Variants in HIVEP3 observed in about 807,000 individuals in gnomAD.
HIVEP3 encodes HIVEP zinc finger 3.
HIVEP3 carries 49 observed loss-of-function variants against 152.8 expected under a neutral mutation model. The ratio of observed to expected loss-of-function variants is 0.32; its 90% confidence interval spans 0.26 to 0.41. HIVEP3 has a LOEUF of 0.41. Ranked by LOEUF, HIVEP3 falls within the 10% of genes least tolerant of loss-of-function variation. The pLI is 1.00. For missense variants in HIVEP3, 2,790 were observed against 3,103.3 expected (o/e 0.90, Z 2.40); for synonymous variants, 1,269 against 1,289.0 (o/e 0.98, Z 0.33).
At position 42,008,233 on chromosome 1, in the gene HIVEP3, T is replaced by C. The variant is rs182148342; in HGVS notation, n.119+27574A>G. On this transcript the variant is annotated intron_variant and non_coding_transcript_variant, in intron 1 of 3. Transcript: ENST00000489103. The stretch of plus-strand genomic sequence containing the variant: ...GAAATCTGTGCCACTTGAAGAATAA[T>C]GTTTCAAGTGTGAAGATCAAGTGGA... 2.0e-5 allele frequency among the ~76,000 whole-genome samples: 3 copies of C among 152,320 alleles called. No individual in the cohort carries two copies. In the East Asian group the frequency reaches 5.8e-4, roughly 29 times the overall value.
chr1:41,805,828 G>T (rs1424742879), intron 1 of HIVEP3, among the ~76,000 whole-genome samples: 1 of 152,174 alleles, frequency 6.6e-6, no homozygotes, highest in East Asian at 1.9e-4. Context: ...CTGATGGAGA[G>T]CACCTCTTTT....
chr1:41,644,179 C>G (rs957557059), intron 2 of HIVEP3, among the ~76,000 whole-genome samples: 1 of 152,138 alleles, frequency 6.6e-6, no homozygotes, highest in East Asian at 1.9e-4. Flanking sequence ...AGCCACCGTG[C>G]CTGGCAAACC....
chr1:41,635,925 T>C (rs929640963), intron 2 of HIVEP3, among the ~76,000 whole-genome samples: 1 of 152,202 alleles, frequency 6.6e-6, no homozygotes, highest in African/African-American at 2.4e-5. Context: ...CTCTAATAAC[T>C]ATAGAAGAAA....
rs181063772 is a variant in HIVEP3, at chr1:41,513,044, G to A, written c.6177C>T (p.Thr2059=). The change falls in exon 8 of 9, where the codon ACC becomes ACT. Residue 2059 remains threonine (T), a synonymous_variant. Transcript: ENST00000372583. ...AHVLSKLEGT[T]DPGLPRYSPT... is the part of the protein sequence containing the mutation. The stretch of plus-strand genomic sequence containing the variant: ...GCGAGTATCTGGGGAGGCCTGGGTC[G>A]GTGGTACCCTCGAGTTTGGAGAGCA... 2.3e-5 allele frequency: 37 copies of A among 1,613,810 alleles called. No homozygotes were observed. Among genetic ancestry groups the A allele is most frequent in the South Asian group, 6.6e-5 (6 of 91,082 alleles).
At chr1:42,000,425 G>C (rs1247554788) in intron 1 of HIVEP3, among the ~76,000 whole-genome samples, 1 of 152,216 alleles carries the variant, frequency 6.6e-6, no homozygotes, top group African/African-American at 2.4e-5. Context: ...CACTGCCCAT[G>C]TGCAAGGGCA....
chr1:41,632,083 C>T (rs953157444), intron 2 of HIVEP3, among the ~76,000 whole-genome samples: 1 of 152,160 alleles, frequency 6.6e-6, no homozygotes, highest in East Asian at 1.9e-4. Context: ...TGCTGTGCTC[C>T]TCCTAAGGTA....
chr1:41,976,353 G>A (rs372749288), intron 1 of HIVEP3, among the ~76,000 whole-genome samples: 10 of 152,248 alleles, frequency 6.6e-5, no homozygotes, highest in East Asian at 1.9e-4. Flanking sequence ...GGAAGCATTC[G>A]ATGCCAGAAA....
At chr1:41,684,352 C>A (rs1646084398) in intron 2 of HIVEP3, among the ~76,000 whole-genome samples, 1 of 152,232 alleles carries the variant, frequency 6.6e-6, no homozygotes, top group South Asian at 2.1e-4. Context: ...GACCTTCCAG[C>A]CCTTCCTTCC....
chr1:41,950,880 T>C (rs1645102784), intron 1 of HIVEP3, among the ~76,000 whole-genome samples: 1 of 152,226 alleles, frequency 6.6e-6, no homozygotes, highest in Non-Finnish European at 1.5e-5. Context: ...TATTGGTCCA[T>C]ATAAGTAAAA....
Position 41,585,258 on chromosome 1 carries a change from T to C in HIVEP3, c.-461A>G. ...CCACGCTGGATGCTGGGGGTGGCTCTTCTCCCCTTTAGTTCTGGGTTGGAG... is the reference window on the plus strand; with the variant it reads ...CCACGCTGGATGCTGGGGGTGGCTCCTCTCCCCTTTAGTTCTGGGTTGGAG... On this transcript the variant is annotated 5_prime_UTR_variant, in exon 4 of 9. Coordinates refer to ENST00000372583, the MANE Select transcript of HIVEP3 (RefSeq NM_024503.5). The C allele has an allele frequency of 2.5e-6, 1 of 399,206 alleles. No homozygotes were observed. Among genetic ancestry groups the C allele is most frequent in the Non-Finnish European group, 4.4e-6 (1 of 226,230 alleles). 24.7% of individuals were successfully genotyped at this position (399,206 alleles called of 1,614,324 possible).
chr1:41,699,327 G>A (rs778428301), intron 2 of HIVEP3, among the ~76,000 whole-genome samples: 1 of 152,314 alleles, frequency 6.6e-6, no homozygotes, highest in African/African-American at 2.4e-5. Flanking sequence ...GGCTCTCTTT[G>A]GCCCCAGAAC....
At chr1:41,748,930 C>T (rs1010332336) in intron 1 of HIVEP3, among the ~76,000 whole-genome samples, 1 of 152,192 alleles carries the variant, frequency 6.6e-6, no homozygotes, top group African/African-American at 2.4e-5. Context: ...GGAGGACCAC[C>T]ACTCAGCTGG....
intron 1 of HIVEP3, among the ~76,000 whole-genome samples, chr1:41,984,722 A>C (rs1645311979): frequency 6.6e-6 from 1 of 152,216 alleles, no homozygotes; most frequent in Non-Finnish European, 1.5e-5. Context: ...GACAGATAAC[A>C]GGGGGAAGGG....
intron 1 of HIVEP3, among the ~76,000 whole-genome samples, chr1:41,727,999 C>A (rs1646782922): frequency 6.6e-6 from 1 of 152,186 alleles, no homozygotes; most frequent in South Asian, 2.1e-4. Flanking sequence ...CTTCAGGATA[C>A]CTGGGGAACA....
chr1:41,687,973 GATGAATGA>G (rs376004468), intron 2 of HIVEP3, among the ~76,000 whole-genome samples: 1 of 152,204 alleles, frequency 6.6e-6, no homozygotes, highest in Non-Finnish European at 1.5e-5. Flanking sequence ...CACAGCTCCA[GATGAATGA>G]ATGAATGAAT....
chr1:41,619,694 C>T (rs747816007), intron 3 of HIVEP3, among the ~76,000 whole-genome samples: 1 of 152,106 alleles, frequency 6.6e-6, no homozygotes, highest in African/African-American at 2.4e-5. Context: ...CATATGTAGG[C>T]TCAGCAGAGG....
chr1:41,946,950 C>T (rs1025047058), intron 1 of HIVEP3, among the ~76,000 whole-genome samples: 7 of 152,084 alleles, frequency 4.6e-5, no homozygotes, highest in African/African-American at 1.7e-4. Flanking sequence ...ATCAATGAGG[C>T]CGTTGTTCCT....
chr1:41,820,185 T>TC (rs1471171940), intron 1 of HIVEP3, among the ~76,000 whole-genome samples: 1 of 152,178 alleles, frequency 6.6e-6, no homozygotes, highest in Non-Finnish European at 1.5e-5. Flanking sequence ...TATGTTTAAA[T>TC]CCCCCTTTAT....
At chr1:41,655,347 C>A (rs1342700113) in intron 2 of HIVEP3, among the ~76,000 whole-genome samples, 2 of 151,912 alleles carry the variant, frequency 1.3e-5, no homozygotes, top group Non-Finnish European at 2.9e-5. Flanking sequence ...CTTTGGGAGG[C>A]CGAGGTGGGC....
Sources: gnomAD v4.1 joint callset for allele counts (sites outside exome capture counted in the v4.1 genomes callset) on GRCh38, gnomAD v4.1.1 for gene constraint, MANE v1.5 for transcripts, NCBI Gene and HGNC (gene_info 2026-07-23, HGNC 2026-07-21) for gene names.